Variants in VWCE observed in about 807,000 individuals in gnomAD.
The protein encoded by VWCE is von Willebrand factor C and EGF domains.
Under a neutral mutation model 102.9 loss-of-function variants are expected in VWCE, and 68 were observed. The ratio of observed to expected loss-of-function variants is 0.66; its 90% confidence interval spans 0.54 to 0.81. The LOEUF (loss-of-function observed/expected upper bound fraction) is 0.81. Ranked by LOEUF, VWCE falls within the 30% of genes least tolerant of loss-of-function variation. The pLI, the probability that VWCE is intolerant of heterozygous loss-of-function variation, is 0.00. For synonymous variants in VWCE, 497 were observed against 515.4 expected (o/e 0.96, Z 0.48); for missense variants, 1,137 against 1,263.6 (o/e 0.90, Z 1.52).
At chr11:61,293,008 AAG>A (rs1184944143) in intron 1 of VWCE, among the ~76,000 whole-genome samples, 8 of 151,878 alleles carry the variant, frequency 5.3e-5, no homozygotes, top group Non-Finnish European at 1.2e-4. Context: ...TTGGGAGGCC[AAG>A]GCGGGCGGAT....
At chr11:61,286,063 C>T (rs1056672971) in intron 5 of VWCE, among the ~76,000 whole-genome samples, 3 of 152,080 alleles carry the variant, frequency 2.0e-5, no homozygotes, top group Middle Eastern at 3.2e-3. Flanking sequence ...CAGCAGCAGT[C>T]GGTTCTAACT....
chr11:61,276,682 TGAG>T lies in VWCE; in HGVS notation c.1408-5_1408-3del, dbSNP rs765002021. On this transcript the variant is annotated splice_region_variant and splice_polypyrimidine_tract_variant and intron_variant, in intron 10 of 19. Coordinates refer to ENST00000335613, the MANE Select transcript of VWCE (RefSeq NM_152718.2). ...AGAGATGCAGGACACGTTTCCAGCC[TGAG>T]GAGGAGGCAAGAGAGGGCACTGGGG... 3.1e-6 allele frequency: 5 copies of T among 1,596,996 alleles called. No homozygotes were observed. The African/African-American group carries it at 5.4e-5, about 17-fold the overall frequency.
chr11:61,267,050 G>GT (rs1437823807), intron 16 of VWCE, among the ~76,000 whole-genome samples: 3 of 152,212 alleles, frequency 2.0e-5, no homozygotes, highest in African/African-American at 7.2e-5. Context: ...CTGAGGTCAG[G>GT]AGTTCAGGAA....
chr11:61,291,525 G>T lies in VWCE; in HGVS notation c.162C>A (p.Cys54Ter), dbSNP rs754395857. 6.6e-7 allele frequency: 1 copy of T among 1,508,520 alleles called. No individual in the cohort carries two copies. Among genetic ancestry groups the T allele is most frequent in the African/African-American group, 1.4e-5 (1 of 71,294 alleles). The allele number at this position is 1,508,520 out of a possible 1,614,324, so 93.4% of individuals were successfully genotyped here. The change falls in exon 2 of 20, where the codon TGC becomes TGA. Residue 54 changes from cysteine (C) to a stop codon, truncating the protein, a stop_gained. Coordinates refer to ENST00000335613, the MANE Select transcript of VWCE (RefSeq NM_152718.2). LOFTEE classifies it high-confidence loss of function. ...VCLSGFGSGC[C>*]PGWAPSMGGG... ...CACCCATAGAGGGCGCCCAGCCAGGGCAGCAGCCACTCCCAAACCCAGAGA... is the reference window on the plus strand; with the variant it reads ...CACCCATAGAGGGCGCCCAGCCAGGTCAGCAGCCACTCCCAAACCCAGAGA...
At chr11:61,281,988 CA>C in intron 6 of VWCE, 74 bp from the exon 7 acceptor site, 4 of 1,555,056 alleles carry the variant, frequency 2.6e-6, no homozygotes, top group Non-Finnish European at 3.5e-6. Context: ...TCCCTTAGCT[CA>C]AAACACTTGG....
intron 1 of VWCE, among the ~76,000 whole-genome samples, chr11:61,292,237 AAAGAG>A (rs199681704): frequency 0.013 from 1,908 of 150,054 alleles, 47 homozygotes; most frequent in African/African-American, 0.046. Context: ...AAAAAAAAAA[AAAGAG>A]AGAGAGAAAG....
At chr11:61,286,662 A>G (rs959945219) in intron 4 of VWCE, among the ~76,000 whole-genome samples, 2 of 152,118 alleles carry the variant, frequency 1.3e-5, no homozygotes, top group South Asian at 2.1e-4. Context: ...TTAGCCAGGC[A>G]TGGTGGTGCA....
chr11:61,293,372 G>A (rs1228212317), intron 1 of VWCE, among the ~76,000 whole-genome samples: 9 of 143,800 alleles, frequency 6.3e-5, no homozygotes, highest in African/African-American at 5.3e-5. Context: ...AGCCGAGATC[G>A]CACCACTGCA....
intron 19 of VWCE, among the ~76,000 whole-genome samples, chr11:61,264,225 CAAAAAAAAAA>C (rs547085588): frequency 5.0e-5 from 1 of 19,986 alleles, no homozygotes; most frequent in African/African-American, 1.0e-4. Flanking sequence ...GACTCAGTCT[CAAAAAAAAAA>C]AAAAAAAAAA....
At position 61,264,471 on chromosome 11, in the gene VWCE, C is replaced by A. The variant is rs749511069; in HGVS notation, c.2230+16G>T. Reference sequence around the variant, plus strand: ...GAAGATGGCGGAGAAACTCCAGGACCCAGAGACCCACTTACCTGGACAGGA... The same window carrying A: ...GAAGATGGCGGAGAAACTCCAGGACACAGAGACCCACTTACCTGGACAGGA... On this transcript the variant is annotated intron_variant, in intron 19 of 19. Coordinates refer to ENST00000335613, the MANE Select transcript of VWCE (RefSeq NM_152718.2). 3 of 1,611,390 alleles carry A rather than the reference C, an allele frequency of 1.9e-6. No homozygotes were observed.
At chr11:61,281,716 G>C in intron 7 of VWCE, 70 bp downstream of exon 7, 7 of 1,531,390 alleles carry the variant, frequency 4.6e-6, no homozygotes, top group East Asian at 2.4e-5. Context: ...CCAGGCTATG[G>C]GGGGGCGTAG....
At chr11:61,283,192 T>C (rs1855203662) in intron 5 of VWCE, among the ~76,000 whole-genome samples, 1 of 152,162 alleles carries the variant, frequency 6.6e-6, no homozygotes, top group Non-Finnish European at 1.5e-5. Flanking sequence ...CTTCAAGCCA[T>C]CCTCTGCACA....
At chr11:61,270,012 G>T (rs991063795) in intron 14 of VWCE, among the ~76,000 whole-genome samples, 1 of 150,850 alleles carries the variant, frequency 6.6e-6, no homozygotes, top group Non-Finnish European at 1.5e-5. Context: ...CCGCCTCCCG[G>T]GTTCACGCCA....
Position 61,258,562 on chromosome 11 carries a change from G to T in VWCE, c.*113C>A. 1 of 1,111,060 alleles carries T rather than the reference G, an allele frequency of 9.0e-7. No individual in the cohort carries two copies. The highest frequency in any genetic ancestry group is 1.2e-6 in the Non-Finnish European group (1 of 860,684). 68.8% of individuals were successfully genotyped at this position (1,111,060 alleles called of 1,614,324 possible). ...GTCTTCCATCCTCACCAGGGCCCCT[G>T]CAGGAGGGAGCCCAGGCATCCCCAC... is the stretch of plus-strand genomic sequence containing the variant. On this transcript the variant is annotated 3_prime_UTR_variant, in exon 20 of 20. Transcript: ENST00000335613.
intron 16 of VWCE, among the ~76,000 whole-genome samples, chr11:61,266,038 C>T (rs913917226): frequency 2.7e-5 from 4 of 150,606 alleles, no homozygotes; most frequent in Non-Finnish European, 5.9e-5. Flanking sequence ...GAGTGAGACT[C>T]TGTCTCAAAA....
At position 61,288,243 on chromosome 11, in the gene VWCE, G is replaced by C. The variant is rs530717078; in HGVS notation, c.425-1813C>G. The stretch of plus-strand genomic sequence containing the variant: ...TTTACGAAGGTGAGCCTAGTGAGAT[G>C]TTCTGATCTGAGGGATGATAGGAGC... On this transcript the variant is annotated intron_variant, in intron 4 of 19. Transcript: ENST00000335613. Among the ~76,000 whole-genome samples the C allele has an allele frequency of 3.3e-5, 5 of 151,216 alleles. No individual in the cohort carries two copies. In the East Asian group the frequency reaches 7.8e-4, roughly 24 times the overall value.
chr11:61,282,286 A>C (rs1240391173), intron 6 of VWCE, among the ~76,000 whole-genome samples: 1 of 152,192 alleles, frequency 6.6e-6, no homozygotes, highest in Non-Finnish European at 1.5e-5. Flanking sequence ...CTGCTGAAGG[A>C]AGGCTTCGGG....
At chr11:61,264,131 C>T (rs1224625386) in intron 19 of VWCE, among the ~76,000 whole-genome samples, 1 of 144,464 alleles carries the variant, frequency 6.9e-6, no homozygotes, top group African/African-American at 2.6e-5. Flanking sequence ...GAGGCTGAGG[C>T]AGGAGAATGG....
chr11:61,276,547 T>G (rs988774645), intron 11 of VWCE, 46 bp downstream of exon 11: 16 of 1,174,888 alleles, frequency 1.4e-5, no homozygotes, highest in Non-Finnish European at 1.8e-5. Flanking sequence ...CTACAAAAAA[T>G]CTAAAAAAAA....
Sources: gnomAD v4.1 joint callset for allele counts (sites outside exome capture counted in the v4.1 genomes callset) on GRCh38, gnomAD v4.1.1 for gene constraint, MANE v1.5 for transcripts, NCBI Gene and HGNC (gene_info 2026-07-23, HGNC 2026-07-21) for gene names.